The following PPP6R3 variants were observed in gnomAD, a reference collection of about 807,000 sequenced individuals.
PPP6R3 encodes protein phosphatase 6 regulatory subunit 3.
PPP6R3 carries 38 observed loss-of-function variants against 110.7 expected under a neutral mutation model. That is an observed-to-expected ratio of 0.34 (90% CI 0.26 to 0.45). The LOEUF (loss-of-function observed/expected upper bound fraction) is 0.45. Ranked by LOEUF, PPP6R3 falls within the 20% of genes least tolerant of loss-of-function variation. The pLI, the probability that PPP6R3 is intolerant of heterozygous loss-of-function variation, is 1.00. For missense variants in PPP6R3, 870 were observed against 1,062.4 expected (o/e 0.82, Z 2.52); for synonymous variants, 369 against 373.5 (o/e 0.99, Z 0.14).
At chr11:68,586,025 G>A (rs1217716924) in intron 15 of PPP6R3, among the ~76,000 whole-genome samples, 1 of 151,174 alleles carries the variant, frequency 6.6e-6, no homozygotes, top group Non-Finnish European at 1.5e-5. Flanking sequence ...CTGCTCTGGA[G>A]GCTGAGGTAG....
chr11:68,482,019 G>C (rs2098916880), intron 1 of PPP6R3, among the ~76,000 whole-genome samples: 1 of 151,972 alleles, frequency 6.6e-6, no homozygotes, highest in Admixed American at 6.6e-5. Context: ...CTACCTGTCT[G>C]ACCTTGGGCA....
At chr11:68,516,564 C>A (rs772151197) in intron 1 of PPP6R3, among the ~76,000 whole-genome samples, 2 of 152,176 alleles carry the variant, frequency 1.3e-5, no homozygotes, top group Non-Finnish European at 2.9e-5. Flanking sequence ...GATACTCCGT[C>A]TCTACCATAC....
intron 1 of PPP6R3, among the ~76,000 whole-genome samples, chr11:68,504,657 G>A (rs940136303): frequency 7.9e-5 from 12 of 152,174 alleles, no homozygotes; most frequent in Admixed American, 2.6e-4. Flanking sequence ...GGTACAATTT[G>A]AGAGCCCTGA....
intron 6 of PPP6R3, 129 bp from the exon 7 acceptor site, chr11:68,554,016 C>T (rs2099390375): frequency 3.0e-6 from 2 of 661,416 alleles, no homozygotes; most frequent in Non-Finnish European, 5.1e-6. Context: ...TTGGCCTTGA[C>T]CTTTTGCGCA....
In PPP6R3 at chr11:68,545,662, G is replaced by C. The variant is rs79859653; in HGVS notation, c.414+638G>C. Among the ~76,000 whole-genome samples the C allele has an allele frequency of 7.9e-3, 1,209 of 152,322 alleles. 16 individuals are homozygous for C. The highest frequency in any genetic ancestry group is 0.028 in the African/African-American group (1,163 of 41,572). On this transcript the variant is annotated intron_variant, in intron 4 of 23. Coordinates refer to ENST00000393800, the MANE Select transcript of PPP6R3 (RefSeq NM_001164161.2). ...ACCTGAGAATTTGTTAGAAATGTAA[G>C]TTCTTGAGTCCTATTCCAGACCTGC...
Position 68,614,012 on chromosome 11 carries a change from T to TG in PPP6R3, c.*896dup, listed in dbSNP as rs1397661472. ...TTACCTTGTTAACAAGCATCACCAA[T>TG]GAACATTTCAGAGCAATCTGCATAT... On this transcript the variant is annotated 3_prime_UTR_variant, in exon 24 of 24. Transcript: ENST00000393800. 2 of 985,348 alleles carry TG rather than the reference T, an allele frequency of 2.0e-6. No homozygotes were observed. The highest frequency in any genetic ancestry group is 2.4e-6 in the Non-Finnish European group (2 of 829,868). The allele number at this position is 985,348 out of a possible 1,614,324, so 61.0% of individuals were successfully genotyped here.
At chr11:68,542,395 T>G (rs1354473619) in intron 3 of PPP6R3, among the ~76,000 whole-genome samples, 4 of 108,958 alleles carry the variant, frequency 3.7e-5, no homozygotes, top group Non-Finnish European at 7.4e-5. Context: ...TGCTGTTTTT[T>G]TTTTTTTTTT....
chr11:68,492,597 A>T (rs778478210), intron 1 of PPP6R3, among the ~76,000 whole-genome samples: 4 of 152,208 alleles, frequency 2.6e-5, no homozygotes, highest in Non-Finnish European at 5.9e-5. Context: ...ATATCTGTTC[A>T]AGTCTCTGCT....
intron 1 of PPP6R3, among the ~76,000 whole-genome samples, chr11:68,484,336 G>A (rs546550815): frequency 6.6e-6 from 1 of 152,310 alleles, no homozygotes; most frequent in South Asian, 2.1e-4. Flanking sequence ...AGCAATGAAT[G>A]AGAGTTCCTC....
intron 1 of PPP6R3, among the ~76,000 whole-genome samples, chr11:68,506,144 C>T (rs748041028): frequency 7.1e-6 from 1 of 141,818 alleles, no homozygotes; most frequent in Non-Finnish European, 1.5e-5. Context: ...GCAAAAACCA[C>T]AATTACTTTT....
chr11:68,553,758 A>G (rs188237185), intron 6 of PPP6R3, among the ~76,000 whole-genome samples: 39 of 152,250 alleles, frequency 2.6e-4, no homozygotes, highest in African/African-American at 9.1e-4. Flanking sequence ...TATTTGCATT[A>G]TACTGGTTGG....
At chr11:68,470,002 T>A (rs1199309525) in intron 1 of PPP6R3, among the ~76,000 whole-genome samples, 1 of 152,126 alleles carries the variant, frequency 6.6e-6, no homozygotes, top group Non-Finnish European at 1.5e-5. Context: ...TTGTTCTTTT[T>A]TTGCCCCCAC....
chr11:68,582,818 G>A (rs1328650711), intron 14 of PPP6R3, among the ~76,000 whole-genome samples: 1 of 152,214 alleles, frequency 6.6e-6, no homozygotes, highest in Non-Finnish European at 1.5e-5. Context: ...CAGTAGTGAG[G>A]AGTGGAATAA....
intron 1 of PPP6R3, among the ~76,000 whole-genome samples, chr11:68,498,425 G>A (rs188194027): frequency 6.3e-4 from 96 of 152,062 alleles, no homozygotes; most frequent in East Asian, 2.1e-3. Flanking sequence ...ATAGAAATAC[G>A]GAAAAGTACA....
At chr11:68,563,179 T>C (rs1450664071) in intron 8 of PPP6R3, among the ~76,000 whole-genome samples, 1 of 150,486 alleles carries the variant, frequency 6.6e-6, no homozygotes, top group Non-Finnish European at 1.5e-5. Flanking sequence ...GGGAGGAGGA[T>C]CACTTGAGCC....
intron 14 of PPP6R3, among the ~76,000 whole-genome samples, chr11:68,582,769 A>AGT (rs1160284352): frequency 1.3e-5 from 2 of 152,234 alleles, no homozygotes; most frequent in African/African-American, 4.8e-5. Flanking sequence ...ACTTAAATGG[A>AGT]GTAACTCACC....
chr11:68,501,333 T>G (rs754964533), intron 1 of PPP6R3, among the ~76,000 whole-genome samples: 1 of 152,206 alleles, frequency 6.6e-6, no homozygotes, highest in Non-Finnish European at 1.5e-5. Context: ...AGACAAATTA[T>G]TAGTATTATT....
chr11:68,583,587 A>C (rs2099569344), intron 15 of PPP6R3, among the ~76,000 whole-genome samples: 1 of 152,234 alleles, frequency 6.6e-6, no homozygotes, highest in South Asian at 2.1e-4. Context: ...TTTTTAGTTG[A>C]AGTAATTCAT....
chr11:68,559,261 CAT>C (rs879381501), intron 8 of PPP6R3, among the ~76,000 whole-genome samples: 1 of 152,260 alleles, frequency 6.6e-6, no homozygotes, highest in Non-Finnish European at 1.5e-5. Flanking sequence ...TTGCTTTTCA[CAT>C]GTGTGGCCTT....
Sources: allele counts gnomAD v4.1 joint callset (sites outside exome capture counted in the v4.1 genomes callset), GRCh38; gene constraint gnomAD v4.1.1; transcripts MANE v1.5; gene names NCBI Gene and HGNC (gene_info 2026-07-23, HGNC 2026-07-21).